GOLGA4: variants seen among roughly 807,000 people sequenced by gnomAD.
GOLGA4 encodes the protein golgin A4.
A neutral mutation model predicts 265.9 loss-of-function variants in GOLGA4; 169 were observed. That is an observed-to-expected ratio of 0.64 (90% CI 0.56 to 0.72). GOLGA4 has a LOEUF of 0.72. Ranked by LOEUF, GOLGA4 falls within the 30% of genes least tolerant of loss-of-function variation. The pLI is 0.00. For synonymous variants in GOLGA4, 923 were observed against 855.8 expected, an observed-to-expected ratio of 1.08 and a Z score of -1.37; for missense variants, 2,482 against 2,483.4, an observed-to-expected ratio of 1.00 and a Z score of 0.01.
At chr3:37,337,838 T>C (rs1208259169) in intron 19 of GOLGA4, 104 bp downstream of exon 19, 4 of 688,950 alleles carry the variant, frequency 5.8e-6, no homozygotes, top group Non-Finnish European at 7.7e-6. Flanking sequence ...TTTTCAGTCT[T>C]ACACCCAGGA....
intron 22 of GOLGA4, 54 bp downstream of exon 22, chr3:37,355,241 T>G (rs2097087695): frequency 2.2e-6 from 2 of 920,410 alleles, no homozygotes; most frequent in Non-Finnish European, 3.6e-6. Context: ...CTGTTTATAT[T>G]CTGTCTCATT....
intron 23 of GOLGA4, among the ~76,000 whole-genome samples, chr3:37,362,194 A>C (rs1578893328): frequency 6.7e-6 from 1 of 148,630 alleles, no homozygotes; most frequent in Middle Eastern, 3.2e-3. Context: ...CGTTCTTTTA[A>C]GCTTTTATTT....
intron 21 of GOLGA4, among the ~76,000 whole-genome samples, chr3:37,354,298 A>C (rs1390320796): frequency 6.6e-6 from 1 of 152,036 alleles, no homozygotes; most frequent in Admixed American, 6.6e-5. Flanking sequence ...CACGGTAGGA[A>C]TCTTTAGAAT....
chr3:37,319,220 C>A, intron 12 of GOLGA4, 26 bp downstream of exon 12: 1 of 1,560,962 alleles, frequency 6.4e-7, no homozygotes, highest in Non-Finnish European at 8.7e-7. Flanking sequence ...TTTTTTTCTG[C>A]TATAGGTATA....
intron 2 of GOLGA4, chr3:37,266,737 T>C: frequency 4.9e-6 from 2 of 405,458 alleles, no homozygotes; most frequent in South Asian, 3.8e-5. Context: ...CATTATAGTG[T>C]TATGCATGCT....
intron 2 of GOLGA4, among the ~76,000 whole-genome samples, chr3:37,254,771 G>A (rs948257499): frequency 6.7e-6 from 1 of 150,278 alleles, no homozygotes; most frequent in South Asian, 2.1e-4. Flanking sequence ...CAAAGTGCTG[G>A]GATTACGGGC....
At chr3:37,344,533 A>G (rs188671713) in intron 20 of GOLGA4, among the ~76,000 whole-genome samples, 163 of 93,248 alleles carry the variant, frequency 1.7e-3, no homozygotes, top group Non-Finnish European at 2.8e-3. Context: ...AGGTCTTTCT[A>G]TGTTGCCCAG....
chr3:37,317,788 T>A (rs1438331135), intron 11 of GOLGA4, among the ~76,000 whole-genome samples: 1 of 152,186 alleles, frequency 6.6e-6, no homozygotes. Context: ...GGGCTGTTGG[T>A]CTTTTATGGA....
intron 2 of GOLGA4, among the ~76,000 whole-genome samples, chr3:37,269,008 G>A (rs1240039000): frequency 6.6e-6 from 1 of 152,194 alleles, no homozygotes; most frequent in Admixed American, 6.5e-5. Flanking sequence ...TTTGAAAAAT[G>A]CAGCTGTTTA....
At chr3:37,337,075 T>C in intron 17 of GOLGA4, 68 bp from the exon 18 acceptor site, 1 of 990,740 alleles carries the variant, frequency 1.0e-6, no homozygotes, top group Non-Finnish European at 1.5e-6. Context: ...ATCTTTATAT[T>C]GCTTTGTTTT....
intron 9 of GOLGA4, among the ~76,000 whole-genome samples, chr3:37,301,166 AT>A (rs536294928): frequency 8.3e-4 from 126 of 152,264 alleles, no homozygotes; most frequent in African/African-American, 3.0e-3. Flanking sequence ...AAGTCTGAAC[AT>A]TTTTTCAAGA....
chr3:37,289,306 T>C lies in GOLGA4; in HGVS notation c.582+15T>C. On this transcript the variant is annotated intron_variant, in intron 5 of 23. Transcript: ENST00000361924. ...AATTAAGAGAGGTAAGTTTCAGTGA[T>C]GAGTACTTTGAAAATAGTAATTAAA... 1.4e-6 allele frequency: 2 copies of C among 1,456,438 alleles called. No individual in the cohort carries two copies. Among genetic ancestry groups the C allele is most frequent in the Admixed American group, 1.8e-5 (1 of 56,484 alleles). 90.2% of individuals were successfully genotyped at this position (1,456,438 alleles called of 1,614,324 possible).
intron 2 of GOLGA4, among the ~76,000 whole-genome samples, chr3:37,268,463 G>A (rs932126297): frequency 1.3e-5 from 2 of 151,574 alleles, no homozygotes; most frequent in South Asian, 2.1e-4. Flanking sequence ...AAAAAAAACC[G>A]TAAAGGTTCT....
chr3:37,347,366 CAT>C (rs1344530135), intron 21 of GOLGA4, 70 bp downstream of exon 21: 1 of 808,468 alleles, frequency 1.2e-6, no homozygotes. Flanking sequence ...TTTTAATACA[CAT>C]GTGAATGCCA....
chr3:37,270,876 A>T (rs187682718), intron 2 of GOLGA4, among the ~76,000 whole-genome samples: 32 of 152,026 alleles, frequency 2.1e-4, no homozygotes, highest in Non-Finnish European at 3.1e-4. Flanking sequence ...ATACGTAATG[A>T]AGTAATTATA....
chr3:37,315,325 A>T, intron 10 of GOLGA4, 95 bp from the exon 11 acceptor site: 2 of 986,684 alleles, frequency 2.0e-6, no homozygotes, highest in South Asian at 1.7e-5. Flanking sequence ...CTATCCTGCT[A>T]CTGCTGCTCT....
chr3:37,266,422 A>G (rs994316385), intron 2 of GOLGA4, among the ~76,000 whole-genome samples: 1 of 152,058 alleles, frequency 6.6e-6, no homozygotes. Flanking sequence ...CTGATCTTGA[A>G]TTCCTGACCT....
At position 37,324,395 on chromosome 3, in the gene GOLGA4, C is replaced by T. The variant is rs752995199; in HGVS notation, c.2509C>T (p.Leu837Phe). 3 of 1,614,086 alleles carry T rather than the reference C, an allele frequency of 1.9e-6. No homozygotes were observed. Among genetic ancestry groups the T allele is most frequent in the East Asian group, 2.2e-5 (1 of 44,882 alleles). Residue 837 changes from leucine (L) to phenylalanine (F), a missense_variant, in exon 14 of 24, where the codon CTT becomes TTT. Leu to Phe is a conservative substitution (Grantham distance 22). Around this residue, in one of 3 missense-constraint regions of GOLGA4, gnomAD observed 1,536 missense variants for 1,483.7 expected, o/e 1.04. Transcript: ENST00000361924. Reference sequence around the variant, plus strand: ...GTTGGATTTGGAAACAGAAAGAATTCTTCTTACCAAACAGGTTGCTGAAGT... The same window carrying T: ...GTTGGATTTGGAAACAGAAAGAATTTTTCTTACCAAACAGGTTGCTGAAGT... ...KLLDLETERI[L>F]LTKQVAEVEA...
chr3:37,250,206 T>G (rs1454838525), intron 1 of GOLGA4: 1 of 152,238 alleles, frequency 6.6e-6, no homozygotes, highest in Non-Finnish European at 1.5e-5. Context: ...CACATAAAAA[T>G]CTCTTTCCCA....
Sources: gnomAD v4.1 joint callset for allele counts (sites outside exome capture counted in the v4.1 genomes callset) on GRCh38, gnomAD v4.1.1 for gene constraint, gnomAD v4.1.1 regional missense constraint, MANE v1.5 for transcripts, NCBI Gene and HGNC (gene_info 2026-07-23, HGNC 2026-07-21) for gene names.